NOTCH2: variants seen among roughly 807,000 people sequenced by gnomAD.
NOTCH2 encodes the protein notch receptor 2, also known as neurogenic locus notch homolog protein 2.
A neutral mutation model predicts 235.8 loss-of-function variants in NOTCH2; 29 were observed. That is an observed-to-expected ratio of 0.12 (90% confidence interval 0.09 to 0.17). NOTCH2 has a LOEUF of 0.17. Ranked by LOEUF, NOTCH2 falls within the 10% of genes least tolerant of loss-of-function variation. The probability of loss-of-function intolerance (pLI) is 1.00; values close to 1 mark genes in which losing one functional copy is unlikely to be tolerated. For synonymous variants in NOTCH2, 1,086 were observed against 1,141.5 expected, an observed-to-expected ratio of 0.95 and a Z score of 0.98; for missense variants, 2,285 against 3,150.2, an observed-to-expected ratio of 0.73 and a Z score of 6.57.
intron 1 of NOTCH2, among the ~76,000 whole-genome samples, chr1:120,046,134 T>C (rs1654779025): frequency 7.0e-6 from 1 of 143,070 alleles, no homozygotes; most frequent in Non-Finnish European, 1.5e-5. Context: ...TTTCACAAAG[T>C]AGGATACATA....
In NOTCH2 at chr1:119,916,429, G is replaced by T. The variant is rs1443541732; in HGVS notation, c.6293C>A (p.Pro2098Gln). The T allele has an allele frequency of 6.2e-7, 1 of 1,614,106 alleles. No homozygotes were observed. Among genetic ancestry groups the T allele is most frequent in the Admixed American group, 1.7e-5 (1 of 60,030 alleles). ...NRSFLSLKHT[P>Q]MGKKSRRPSA... ...GGGCCGTCTAGACTTCTTGCCCATT[G>T]GGGTGTGCTTCAGGCTGAGGAAAGA... Residue 2098 changes from proline (P) to glutamine (Q), a missense_variant, in exon 34 of 34, where the codon CCA (proline) becomes CAA (glutamine). Physicochemically the swap from Pro to Gln is moderately conservative, Grantham distance 76. Coordinates refer to ENST00000256646, the MANE Select transcript of NOTCH2 (RefSeq NM_024408.4).
At chr1:119,930,637 C>T (rs587738638) in intron 22 of NOTCH2, among the ~76,000 whole-genome samples, 15 of 151,176 alleles carry the variant, frequency 9.9e-5, no homozygotes, top group African/African-American at 2.2e-4. Flanking sequence ...AAATTAGCTG[C>T]GTGTGGTGGT....
At chr1:120,011,188 A>G (rs1653176686) in intron 2 of NOTCH2, among the ~76,000 whole-genome samples, 1 of 152,008 alleles carries the variant, frequency 6.6e-6, no homozygotes, top group Admixed American at 6.6e-5. Context: ...GAAATTAGAT[A>G]ATGGTGGTGG....
At position 120,046,008 on chromosome 1, in the gene NOTCH2, G is replaced by T. The variant is rs587761892; in HGVS notation, c.74-16021C>A. Among the ~76,000 whole-genome samples, 7 of 152,250 alleles carry T rather than the reference G, an allele frequency of 4.6e-5. No individual in the cohort carries two copies. The East Asian group carries it at 1.3e-3, about 29-fold the overall frequency. On this transcript the variant is annotated intron_variant, in intron 1 of 33. Coordinates refer to ENST00000256646, the MANE Select transcript of NOTCH2 (RefSeq NM_024408.4). ...ATATGCATACATGGTTTAATAGCCA[G>T]ACATTTATATAATGTATAAATATGT...
At chr1:120,017,440 C>A (rs1553208283) in intron 2 of NOTCH2, among the ~76,000 whole-genome samples, 2 of 152,042 alleles carry the variant, frequency 1.3e-5, no homozygotes, top group African/African-American at 4.8e-5. Flanking sequence ...TGTCAACAGA[C>A]TAAAATTATT....
At chr1:119,926,909 A>T (rs115327177) in intron 23 of NOTCH2, among the ~76,000 whole-genome samples, 25 of 152,334 alleles carry the variant, frequency 1.6e-4, no homozygotes, top group African/African-American at 5.5e-4. Flanking sequence ...GAGAAATCAC[A>T]CTTCAGCTTT....
At chr1:119,953,476 G>A in intron 14 of NOTCH2, 67 bp downstream of exon 14, 2 of 1,513,152 alleles carry the variant, frequency 1.3e-6, no homozygotes, top group East Asian at 4.5e-5. Flanking sequence ...ACTAAGAAGT[G>A]AGTCAAGCAG....
intron 22 of NOTCH2, 130 bp downstream of exon 22, chr1:119,935,342 G>A: frequency 6.2e-7 from 1 of 1,603,834 alleles, no homozygotes; most frequent in East Asian, 2.2e-5. Context: ...TTACTAGGAT[G>A]TAGAACTAAA....
intron 1 of NOTCH2, among the ~76,000 whole-genome samples, chr1:120,048,445 CTTTTTT>C (rs782527466): frequency 1.0e-5 from 1 of 100,468 alleles, no homozygotes; most frequent in Non-Finnish European, 1.8e-5. Flanking sequence ...CCCAATACCA[CTTTTTT>C]TTTTTTTTTT....
chr1:120,045,502 A>C (rs1654748900), intron 1 of NOTCH2, among the ~76,000 whole-genome samples: 1 of 145,126 alleles, frequency 6.9e-6, no homozygotes, highest in South Asian at 2.1e-4. Context: ...GCCTTTACCA[A>C]GCCCTAACTC....
chr1:120,030,229 T>G (rs1341747741), intron 1 of NOTCH2, among the ~76,000 whole-genome samples: 1 of 152,118 alleles, frequency 6.6e-6, no homozygotes, highest in Non-Finnish European at 1.5e-5. Context: ...TTTTAGTATC[T>G]CCAGCTGTTA....
chr1:120,065,231 C>A (rs1249393832), intron 1 of NOTCH2, among the ~76,000 whole-genome samples: 1 of 152,166 alleles, frequency 6.6e-6, no homozygotes, highest in African/African-American at 2.4e-5. Context: ...CCTGCAAATA[C>A]TGTTTTTAAA....
At chr1:120,034,291 CTG>C (rs1286486023) in intron 1 of NOTCH2, among the ~76,000 whole-genome samples, 1 of 138,224 alleles carries the variant, frequency 7.2e-6, no homozygotes, top group Non-Finnish European at 1.5e-5. Flanking sequence ...ATCTTATTTA[CTG>C]TGTGTGTATC....
chr1:119,945,252 T>C (rs1650211993), intron 17 of NOTCH2, among the ~76,000 whole-genome samples: 1 of 152,124 alleles, frequency 6.6e-6, no homozygotes, highest in South Asian at 2.1e-4. Context: ...AATTTATGTA[T>C]GTAGATAAAA....
chr1:120,040,765 C>A (rs1400967708), intron 1 of NOTCH2, among the ~76,000 whole-genome samples: 2 of 149,784 alleles, frequency 1.3e-5, no homozygotes, highest in Admixed American at 6.6e-5. Flanking sequence ...CGGCCAGGCG[C>A]GGTGGCTCAT....
rs782744234 is a variant in NOTCH2 at position 119,945,472 on chromosome 1, C to T, written c.2752+2942G>A. 5.3e-5 allele frequency among the ~76,000 whole-genome samples: 8 copies of T among 151,990 alleles called. 1 individual carries two copies. The South Asian group carries it at 6.2e-4, about 12-fold the overall frequency. On this transcript the variant is annotated intron_variant, in intron 17 of 33. Transcript: ENST00000256646. ...AGAAAAAAAGACAAGACCCAATATA[C>T]GCTCTCTACAAGAAACCCATTTTAG...
intron 20 of NOTCH2, 151 bp downstream of exon 20, chr1:119,937,706 C>T (rs1649909237): frequency 1.2e-6 from 1 of 851,616 alleles, no homozygotes; most frequent in Non-Finnish European, 1.9e-6. Context: ...TACCCTTACA[C>T]CTTCTGTCTT....
intron 2 of NOTCH2, among the ~76,000 whole-genome samples, chr1:120,027,010 G>A (rs1367531435): frequency 1.5e-5 from 2 of 135,682 alleles, no homozygotes; most frequent in Non-Finnish European, 3.2e-5. Context: ...GGAGTGCAGT[G>A]GTGCAATCTT....
intron 4 of NOTCH2, chr1:119,995,411 C>T (rs1169085930): frequency 6.6e-6 from 1 of 151,622 alleles, no homozygotes; most frequent in African/African-American, 2.4e-5. Context: ...ACACATTTAG[C>T]CTTCAACAAT....
Sources: gnomAD v4.1 joint callset for allele counts (sites outside exome capture counted in the v4.1 genomes callset) on GRCh38, gnomAD v4.1.1 for gene constraint, MANE v1.5 for transcripts, NCBI Gene and HGNC (gene_info 2026-07-23, HGNC 2026-07-21) for gene names.